Variants in EXOSC7 observed in about 807,000 individuals in gnomAD.
EXOSC7 encodes the protein exosome complex component RRP42.
EXOSC7 carries 25 observed loss-of-function variants against 34.3 expected under a neutral mutation model. The ratio of observed to expected loss-of-function variants is 0.73; its 90% CI spans 0.53 to 1.02. The LOEUF (loss-of-function observed/expected upper bound fraction) is 1.02, where lower values mean the gene tolerates loss of function less well. Ranked by LOEUF, EXOSC7 falls within the 50% of genes least tolerant of loss-of-function variation. The pLI, the probability that EXOSC7 is intolerant of heterozygous loss-of-function variation, is 0.00. For missense variants in EXOSC7, 370 were observed against 368.5 expected (o/e 1.00, Z -0.03); for synonymous variants, 130 against 143.0 (o/e 0.91, Z 0.65).
At chr3:45,008,791 C>A (rs1707125887) in intron 7 of EXOSC7, among the ~76,000 whole-genome samples, 1 of 152,218 alleles carries the variant, frequency 6.6e-6, no homozygotes, top group Non-Finnish European at 1.5e-5. Context: ...ACTGTCAAAC[C>A]TTGTTTTAGA....
In EXOSC7 at chr3:45,011,431, G is replaced by C; in HGVS notation, c.*92G>C. 1 of 794,970 alleles carries C rather than the reference G, an allele frequency of 1.3e-6. No individual in the cohort carries two copies. The highest frequency in any genetic ancestry group is 2.3e-5 in the Admixed American group (1 of 42,568). 49.2% of individuals were successfully genotyped at this position (794,970 alleles called of 1,614,324 possible). ...TTTTCTTCGCTGTTACGAATTTACAGCAGCATTTGTACATGTAAAATTAAA... is the reference window on the plus strand; with the variant it reads ...TTTTCTTCGCTGTTACGAATTTACACCAGCATTTGTACATGTAAAATTAAA... On this transcript the variant is annotated 3_prime_UTR_variant, in exon 8 of 8. Coordinates refer to ENST00000265564, the MANE Select transcript of EXOSC7 (RefSeq NM_015004.4).
chr3:45,009,489 C>G (rs1477376104), intron 7 of EXOSC7, among the ~76,000 whole-genome samples: 1 of 151,792 alleles, frequency 6.6e-6, no homozygotes, highest in East Asian at 1.9e-4. Context: ...TAATCAGTAC[C>G]CCTGTTTGAC....
chr3:45,004,280 G>A lies in EXOSC7; in HGVS notation c.492-1011G>A, dbSNP rs1157489751. 3.3e-5 allele frequency: 5 copies of A among 151,520 alleles called. No individual in the cohort carries two copies. The East Asian group carries it at 9.6e-4, about 29-fold the overall frequency. The allele number at this position is 151,520 out of a possible 1,614,324, so 9.4% of individuals were successfully genotyped here. ...ACTCTTGCTTTTTTTTTTTGAGATG[G>A]AGTCTCACTCTGTCTCCCAGGCTGG... On this transcript the variant is annotated intron_variant, in intron 5 of 7. Transcript: ENST00000265564.
chr3:44,982,771 A>T (rs777396151), intron 1 of EXOSC7, among the ~76,000 whole-genome samples: 7 of 152,188 alleles, frequency 4.6e-5, no homozygotes, highest in Non-Finnish European at 8.8e-5. Flanking sequence ...TTACAGACCC[A>T]TGGCACAGAA....
intron 3 of EXOSC7, among the ~76,000 whole-genome samples, chr3:44,990,636 A>G (rs1444902837): frequency 2.0e-5 from 3 of 152,222 alleles, no homozygotes; most frequent in African/African-American, 7.2e-5. Flanking sequence ...GTGAAAATGC[A>G]GTAACTTATT....
At chr3:44,996,445 A>G (rs1706724527) in intron 3 of EXOSC7, among the ~76,000 whole-genome samples, 1 of 152,180 alleles carries the variant, frequency 6.6e-6, no homozygotes, top group South Asian at 2.1e-4. Context: ...AAAAATATCA[A>G]ATGAAGGAGG....
At chr3:44,984,935 A>T (rs956684618) in intron 1 of EXOSC7, among the ~76,000 whole-genome samples, 1 of 152,346 alleles carries the variant, frequency 6.6e-6, no homozygotes, top group South Asian at 2.1e-4. Context: ...ACTAATCCAG[A>T]GAGGGAAGGG....
In EXOSC7 at chr3:44,989,198, C is replaced by A. The variant is rs1278714696; in HGVS notation, c.116C>A (p.Thr39Asn). The A allele has an allele frequency of 6.2e-7, 1 of 1,614,122 alleles. No homozygotes were observed. The highest frequency in any genetic ancestry group is 1.7e-5 in the Admixed American group (1 of 60,010). The change falls in exon 2 of 8, where the codon ACT becomes AAT. Residue 39 changes from threonine to asparagine, a missense_variant. Physicochemically the swap from Thr to Asn is moderately conservative, Grantham distance 65 (BLOSUM62 0). Transcript: ENST00000265564. ...GACTACCGATGTGTCGAAGTGGAAA[C>A]TGATGTGGTGTCCAACACTAGTGGG... ...CEDYRCVEVE[T>N]DVVSNTSGSA...
intron 1 of EXOSC7, among the ~76,000 whole-genome samples, chr3:44,987,092 TAAAAAA>T (rs34686659): frequency 1.5e-5 from 2 of 136,230 alleles, no homozygotes; most frequent in Non-Finnish European, 3.2e-5. Context: ...AGTTAAGTGT[TAAAAAA>T]AAAAAAAAAA....
chr3:44,983,944 TTTTTTATATGG>T (rs1176634347), intron 1 of EXOSC7, among the ~76,000 whole-genome samples: 1 of 152,224 alleles, frequency 6.6e-6, no homozygotes, highest in Non-Finnish European at 1.5e-5. Flanking sequence ...CTCCTATCCT[TTTTTTATATGG>T]AAAAAAATTA....
chr3:44,982,778 A>G (rs1263527674), intron 1 of EXOSC7, among the ~76,000 whole-genome samples: 1 of 152,244 alleles, frequency 6.6e-6, no homozygotes, highest in African/African-American at 2.4e-5. Flanking sequence ...CCCATGGCAC[A>G]GAAAGCCTTA....
In EXOSC7 at chr3:44,997,248, T is replaced by C; in HGVS notation, c.416T>C (p.Val139Ala). Residue 139 changes from valine (V) to alanine (A), a missense_variant, in exon 4 of 8, where the codon GTG becomes GCG. Physicochemically the swap from Val to Ala is moderately conservative, Grantham distance 64 (BLOSUM62 0). This residue lies in a region of EXOSC7 where 255 missense variants were observed against 246.4 expected (regional missense o/e 1.03). Transcript: ENST00000265564. Reference protein sequence around the residue: ...REHCWVLYVDVLLLECGGNLF... With the variant: ...REHCWVLYVDALLLECGGNLF... Reference sequence around the variant, plus strand: ...CACTGCTGGGTTCTCTATGTGGATGTGCTGGTGAGTATCATCGTGCTGTAC... The same window carrying C: ...CACTGCTGGGTTCTCTATGTGGATGCGCTGGTGAGTATCATCGTGCTGTAC... The C allele has an allele frequency of 1.2e-6, 2 of 1,613,864 alleles. No individual in the cohort carries two copies. Among genetic ancestry groups the C allele is most frequent in the Non-Finnish European group, 1.7e-6 (2 of 1,179,862 alleles).
intron 1 of EXOSC7, among the ~76,000 whole-genome samples, chr3:44,979,255 G>A (rs1393705534): frequency 6.6e-6 from 1 of 152,162 alleles, no homozygotes; most frequent in Admixed American, 6.5e-5. Context: ...CTTTTGTTGC[G>A]TTGGTTATAG....
chr3:44,987,027 A>G (rs555213860), intron 1 of EXOSC7, among the ~76,000 whole-genome samples: 4 of 152,190 alleles, frequency 2.6e-5, no homozygotes, highest in Admixed American at 6.5e-5. Context: ...AAATGTTTAC[A>G]AAGAATGAGA....
chr3:45,011,277 A>G lies in EXOSC7; in HGVS notation c.814A>G (p.Ser272Gly), dbSNP rs1288904398. The G allele has an allele frequency of 1.2e-6, 2 of 1,613,612 alleles. No homozygotes were observed. Among genetic ancestry groups the G allele is most frequent in the Non-Finnish European group, 1.7e-6 (2 of 1,179,832 alleles). ...VGKVLHASLQ[S>G]VVHKEESLGP... ...CAAGGTACTGCATGCCTCCTTGCAG[A>G]GTGTTGTGCACAAGGAAGAAAGCCT... The change falls in exon 8 of 8, where the codon AGT becomes GGT. Residue 272 changes from serine (S) to glycine (G), a missense_variant. By Grantham distance (56) the Ser-to-Gly change is moderately conservative (BLOSUM62 0). Coordinates refer to ENST00000265564, the MANE Select transcript of EXOSC7 (RefSeq NM_015004.4).
intron 1 of EXOSC7, among the ~76,000 whole-genome samples, chr3:44,986,391 C>T (rs913178422): frequency 6.6e-6 from 1 of 152,224 alleles, no homozygotes; most frequent in African/African-American, 2.4e-5. Flanking sequence ...CCGCCTAGCC[C>T]ACACCCACCC....
At chr3:44,999,237 A>T (rs966294968) in intron 4 of EXOSC7, among the ~76,000 whole-genome samples, 1 of 152,182 alleles carries the variant, frequency 6.6e-6, no homozygotes, top group Non-Finnish European at 1.5e-5. Flanking sequence ...TGAGCAGGGG[A>T]TGGATACATG....
At position 45,011,394 on chromosome 3, in the gene EXOSC7, G is replaced by A. The variant is rs1707209743; in HGVS notation, c.*55G>A. The A allele has an allele frequency of 2.6e-6, 3 of 1,137,226 alleles. No homozygotes were observed. Among genetic ancestry groups the A allele is most frequent in the African/African-American group, 1.6e-5 (1 of 63,932 alleles). 70.4% of individuals were successfully genotyped at this position (1,137,226 alleles called of 1,614,324 possible). A position where few individuals can be genotyped will look rare whatever the true frequency, so the allele number is the denominator to read the frequency against. On this transcript the variant is annotated 3_prime_UTR_variant, in exon 8 of 8. Coordinates refer to ENST00000265564, the MANE Select transcript of EXOSC7 (RefSeq NM_015004.4). ...GTTTTTTACTTTTCCTTTTAAACCG[G>A]TTCGTATATATTTTTCTTCGCTGTT...
intron 7 of EXOSC7, among the ~76,000 whole-genome samples, chr3:45,009,465 C>G (rs1707145336): frequency 6.6e-6 from 1 of 152,178 alleles, no homozygotes; most frequent in Admixed American, 6.5e-5. Context: ...TCTCCCCACC[C>G]TCATGTATAT....
Sources: allele counts gnomAD v4.1 joint callset (sites outside exome capture counted in the v4.1 genomes callset), GRCh38; gene constraint gnomAD v4.1.1; regional missense constraint gnomAD v4.1.1; transcripts MANE v1.5; gene names NCBI Gene and HGNC (gene_info 2026-07-23, HGNC 2026-07-21).